Variants in ANO3 observed in about 807,000 individuals in gnomAD.
ANO3 encodes anoctamin-3.
A neutral mutation model predicts 144.8 loss-of-function variants in ANO3; 99 were observed. The ratio of observed to expected loss-of-function variants is 0.68; its 90% CI spans 0.58 to 0.81. The LOEUF (loss-of-function observed/expected upper bound fraction) is 0.81, where lower values mean the gene tolerates loss of function less well. Among genes scored for constraint, ANO3 ranks in the 30% least tolerant of loss-of-function variants. ANO3 has a pLI of 0.00. For missense variants in ANO3, 905 were observed against 1,202.2 expected (o/e 0.75, Z 3.66); for synonymous variants, 414 against 392.6 (o/e 1.05, Z -0.64).
chr11:26,343,572 G>A (rs1300523279), intron 1 of ANO3, among the ~76,000 whole-genome samples: 1 of 152,072 alleles, frequency 6.6e-6, no homozygotes, highest in East Asian at 1.9e-4. Flanking sequence ...TACACTTGCA[G>A]CTGGTCGTGC....
chr11:26,223,622 A>C (rs77397765), intron 1 of ANO3, among the ~76,000 whole-genome samples: 10 of 149,370 alleles, frequency 6.7e-5, no homozygotes, highest in African/African-American at 2.0e-4. Flanking sequence ...AAAAAAAAAA[A>C]CCCTGAGATT....
At chr11:26,317,039 G>A (rs1339328066) in intron 1 of ANO3, among the ~76,000 whole-genome samples, 1 of 152,180 alleles carries the variant, frequency 6.6e-6, no homozygotes, top group African/African-American at 2.4e-5. Flanking sequence ...CGCATTCAGT[G>A]TAATAACTAA....
intron 1 of ANO3, among the ~76,000 whole-genome samples, chr11:26,349,759 A>T (rs61176338): frequency 0.027 from 4,098 of 152,138 alleles, 174 homozygotes; most frequent in African/African-American, 0.093. Flanking sequence ...TGTGTTAGCC[A>T]GGATGGTCTC....
intron 4 of ANO3, among the ~76,000 whole-genome samples, chr11:26,464,356 C>G (rs919477696): frequency 6.6e-5 from 10 of 151,806 alleles, no homozygotes; most frequent in Non-Finnish European, 1.5e-4. Flanking sequence ...AGAGTCTCTA[C>G]TATCTGTAAA....
At chr11:26,483,081 T>G (rs1205333860) in intron 4 of ANO3, among the ~76,000 whole-genome samples, 2 of 152,150 alleles carry the variant, frequency 1.3e-5, no homozygotes, top group African/African-American at 4.8e-5. Context: ...TTCCTTAGGC[T>G]ATATACCTAG....
chr11:26,552,880 CT>C (rs1278776847), intron 12 of ANO3, among the ~76,000 whole-genome samples: 1 of 152,034 alleles, frequency 6.6e-6, no homozygotes, highest in Non-Finnish European at 1.5e-5. Flanking sequence ...TTGATTCCAT[CT>C]CAGCCACTTC....
intron 1 of ANO3, among the ~76,000 whole-genome samples, chr11:26,303,217 G>A (rs746494033): frequency 1.1e-4 from 16 of 152,082 alleles, no homozygotes; most frequent in African/African-American, 1.4e-4. Context: ...AAAATAAATC[G>A]TTCTGCCAAA....
At position 26,470,184 on chromosome 11, in the gene ANO3, T is replaced by C. The variant is rs145563550; in HGVS notation, c.432+7036T>C. ...GAGGCTGAGGAGGGCAGATAAGTAA[T>C]CTGGAGTGTGAGCCCAGGAGTTTGA... On this transcript the variant is annotated intron_variant, in intron 4 of 26. Coordinates refer to ENST00000256737, the MANE Select transcript of ANO3 (RefSeq NM_031418.4). Among the ~76,000 whole-genome samples the C allele has an allele frequency of 7.7e-4, 117 of 151,842 alleles. 1 individual carries two copies. The East Asian group carries it at 0.013, about 17-fold the overall frequency.
At chr11:26,596,931 G>A (rs1851647203) in intron 14 of ANO3, among the ~76,000 whole-genome samples, 1 of 152,176 alleles carries the variant, frequency 6.6e-6, no homozygotes, top group African/African-American at 2.4e-5. Flanking sequence ...CTGGTTCCAG[G>A]CAGAACAAAG....
chr11:26,248,544 T>G (rs1852851568), intron 1 of ANO3, among the ~76,000 whole-genome samples: 3 of 152,112 alleles, frequency 2.0e-5, no homozygotes, highest in African/African-American at 7.2e-5. Context: ...ATGGTATTCA[T>G]TACAACAAAA....
chr11:26,452,845 T>A (rs1317994429), intron 3 of ANO3, among the ~76,000 whole-genome samples: 1 of 152,090 alleles, frequency 6.6e-6, no homozygotes, highest in Non-Finnish European at 1.5e-5. Context: ...ATGGGTTACC[T>A]ACAAAGGGAA....
intron 4 of ANO3, among the ~76,000 whole-genome samples, chr11:26,496,905 T>C (rs1477266206): frequency 1.3e-5 from 2 of 151,354 alleles, no homozygotes; most frequent in African/African-American, 4.9e-5. Flanking sequence ...TGTGTATGTG[T>C]CTGTAGATTT....
chr11:26,247,007 T>C (rs1206194066), intron 1 of ANO3, among the ~76,000 whole-genome samples: 2 of 152,214 alleles, frequency 1.3e-5, no homozygotes, highest in Admixed American at 1.3e-4. Context: ...TATAAAATAT[T>C]ACTATATTAT....
chr11:26,236,926 A>AT (rs910542968), intron 1 of ANO3, among the ~76,000 whole-genome samples: 11 of 152,030 alleles, frequency 7.2e-5, no homozygotes, highest in Non-Finnish European at 1.6e-4. Flanking sequence ...GTTATAAAAG[A>AT]TTTTTTTTAA....
At chr11:26,477,256 G>C (rs1310117493) in intron 4 of ANO3, among the ~76,000 whole-genome samples, 1 of 152,092 alleles carries the variant, frequency 6.6e-6, no homozygotes, top group Middle Eastern at 3.2e-3. Flanking sequence ...ATGGTCCTCA[G>C]ATTTTAGAAT....
intron 24 of ANO3, among the ~76,000 whole-genome samples, chr11:26,649,732 G>T (rs1337092861): frequency 8.5e-6 from 1 of 117,712 alleles, no homozygotes; most frequent in Non-Finnish European, 2.1e-5. Context: ...GCAAAATTTC[G>T]TCTCAAAAAA....
At chr11:26,290,057 G>A (rs945461944) in intron 1 of ANO3, among the ~76,000 whole-genome samples, 4 of 151,938 alleles carry the variant, frequency 2.6e-5, no homozygotes, top group Non-Finnish European at 4.4e-5. Context: ...TTTTTAGTTG[G>A]TAGGCTATTA....
chr11:26,335,946 G>C (rs1855182663), intron 1 of ANO3, among the ~76,000 whole-genome samples: 1 of 152,146 alleles, frequency 6.6e-6, no homozygotes, highest in South Asian at 2.1e-4. Context: ...TTATTAGGAG[G>C]CTTAATAGGA....
intron 1 of ANO3, among the ~76,000 whole-genome samples, chr11:26,355,611 G>C (rs1003599599): frequency 6.0e-5 from 9 of 150,200 alleles, no homozygotes; most frequent in Non-Finnish European, 1.0e-4. Flanking sequence ...CCAGGATGGA[G>C]TGCAATAGCA....
Sources: gnomAD v4.1 joint callset for allele counts (sites outside exome capture counted in the v4.1 genomes callset) on GRCh38, gnomAD v4.1.1 for gene constraint, MANE v1.5 for transcripts, NCBI Gene and HGNC (gene_info 2026-07-23, HGNC 2026-07-21) for gene names.